Variants in VWC2 observed in about 807,000 individuals in gnomAD.
VWC2 encodes the protein von Willebrand factor C domain containing 2.
A neutral mutation model predicts 29.8 loss-of-function variants in VWC2; 14 were observed. The ratio of observed to expected loss-of-function variants is 0.47; its 90% confidence interval spans 0.31 to 0.74. The LOEUF (loss-of-function observed/expected upper bound fraction) is 0.74, where lower values mean the gene tolerates loss of function less well. Among genes scored for constraint, VWC2 ranks in the 30% least tolerant of loss-of-function variants. The pLI, the probability that VWC2 is intolerant of heterozygous loss-of-function variation, is 0.05. For missense variants in VWC2, 457 were observed against 459.8 expected (o/e 0.99, Z 0.05); for synonymous variants, 213 against 199.0 (o/e 1.07, Z -0.59).
At chr7:49,892,187 G>C (rs1430214325) in intron 3 of VWC2, among the ~76,000 whole-genome samples, 2 of 151,306 alleles carry the variant, frequency 1.3e-5, no homozygotes, top group Non-Finnish European at 2.9e-5. Flanking sequence ...TGGGACTACA[G>C]GCGCCCACCA....
intron 3 of VWC2, among the ~76,000 whole-genome samples, chr7:49,849,095 G>A (rs923863951): frequency 4.6e-5 from 7 of 152,136 alleles, no homozygotes; most frequent in Admixed American, 4.6e-4. Flanking sequence ...TTGTCCTACT[G>A]TACTGTATTT....
At chr7:49,883,170 G>C (rs1583749217) in intron 3 of VWC2, among the ~76,000 whole-genome samples, 1 of 152,070 alleles carries the variant, frequency 6.6e-6, no homozygotes, top group East Asian at 1.9e-4. Flanking sequence ...CCTTTATGCA[G>C]GTTTGAGCTT....
intron 3 of VWC2, among the ~76,000 whole-genome samples, chr7:49,806,408 G>A (rs967567396): frequency 6.6e-6 from 1 of 152,166 alleles, no homozygotes; most frequent in African/African-American, 2.4e-5. Context: ...GGGAGGATAC[G>A]ACATATGCCA....
rs1461494820 is a variant in VWC2, at chr7:49,902,146, A to G, written c.827-9888A>G. Among the ~76,000 whole-genome samples the G allele has an allele frequency of 5.9e-5, 9 of 152,146 alleles. No individual in the cohort carries two copies. In the East Asian group the frequency reaches 1.5e-3, roughly 26 times the overall value. ...GGTTTGGTGATGAATTTTTAGATAC[A>G]ACATCAGTAACATGAATAATAAAGA... is the stretch of plus-strand genomic sequence containing the variant. On this transcript the variant is annotated intron_variant, in intron 3 of 3. Coordinates refer to ENST00000340652, the MANE Select transcript of VWC2 (RefSeq NM_198570.5).
At chr7:49,796,654 T>C (rs1269476125) in intron 2 of VWC2, among the ~76,000 whole-genome samples, 1 of 152,178 alleles carries the variant, frequency 6.6e-6, no homozygotes, top group Non-Finnish European at 1.5e-5. Flanking sequence ...CTACCTTCTA[T>C]AGTGGAAAGA....
intron 2 of VWC2, 53 bp from the exon 3 acceptor site, chr7:49,802,658 G>C: frequency 1.2e-6 from 2 of 1,610,642 alleles, no homozygotes; most frequent in Non-Finnish European, 1.7e-6. Flanking sequence ...ATATGACCCT[G>C]TAGGATAAAC....
intron 3 of VWC2, among the ~76,000 whole-genome samples, chr7:49,877,668 C>T (rs1791497656): frequency 6.7e-6 from 1 of 148,894 alleles, no homozygotes. Context: ...TTGTGGTACC[C>T]CGAGAGTCAT....
At chr7:49,861,841 T>C (rs1790662645) in intron 3 of VWC2, among the ~76,000 whole-genome samples, 1 of 152,226 alleles carries the variant, frequency 6.6e-6, no homozygotes, top group Admixed American at 6.5e-5. Flanking sequence ...TGAATTTTAT[T>C]CTATTGTTTA....
chr7:49,856,381 C>T (rs1254686039), intron 3 of VWC2, among the ~76,000 whole-genome samples: 1 of 152,162 alleles, frequency 6.6e-6, no homozygotes, highest in African/African-American at 2.4e-5. Flanking sequence ...TACTGGCTCC[C>T]TCTTCTCCTT....
intron 3 of VWC2, among the ~76,000 whole-genome samples, chr7:49,874,410 C>A (rs1024146049): frequency 6.6e-6 from 1 of 152,006 alleles, no homozygotes; most frequent in African/African-American, 2.4e-5. Flanking sequence ...TAGGCTATAT[C>A]GTACAGCCTA....
chr7:49,911,003 T>A (rs980933289), intron 3 of VWC2, among the ~76,000 whole-genome samples: 2 of 152,216 alleles, frequency 1.3e-5, no homozygotes, highest in Non-Finnish European at 2.9e-5. Flanking sequence ...ATACTGAATT[T>A]ATGTCACTTC....
intron 3 of VWC2, among the ~76,000 whole-genome samples, chr7:49,816,903 T>G (rs1034264310): frequency 8.5e-5 from 13 of 152,232 alleles, no homozygotes. Context: ...CCTGTGGGCT[T>G]AATATGAGGA....
At chr7:49,819,231 C>A (rs1583649033) in intron 3 of VWC2, among the ~76,000 whole-genome samples, 1 of 152,200 alleles carries the variant, frequency 6.6e-6, no homozygotes, top group African/African-American at 2.4e-5. Flanking sequence ...TGCCTTAAAC[C>A]CCTTCTCGAA....
At chr7:49,903,519 C>T (rs188470936) in intron 3 of VWC2, among the ~76,000 whole-genome samples, 132 of 152,212 alleles carry the variant, frequency 8.7e-4, no homozygotes, top group Middle Eastern at 3.4e-3. Context: ...ATTCCACTTA[C>T]GTAGTATTCT....
intron 3 of VWC2, among the ~76,000 whole-genome samples, chr7:49,877,513 T>G (rs1436522334): frequency 9.9e-6 from 1 of 100,986 alleles, no homozygotes; most frequent in African/African-American, 3.6e-5. Context: ...TATATATATA[T>G]ATATAGTTAT....
chr7:49,847,917 A>T (rs905847065), intron 3 of VWC2, among the ~76,000 whole-genome samples: 1 of 152,166 alleles, frequency 6.6e-6, no homozygotes, highest in Non-Finnish European at 1.5e-5. Flanking sequence ...GTGGTTTACT[A>T]TCTCCTGGAA....
At chr7:49,894,294 TTATAGA>T (rs1792271306) in intron 3 of VWC2, among the ~76,000 whole-genome samples, 1 of 152,178 alleles carries the variant, frequency 6.6e-6, no homozygotes, top group Non-Finnish European at 1.5e-5. Context: ...ATAGCTGGGA[TTATAGA>T]TAGCACCGCC....
intron 2 of VWC2, 110 bp downstream of exon 2, chr7:49,776,241 G>A: frequency 2.0e-6 from 2 of 976,402 alleles, no homozygotes; most frequent in Admixed American, 2.8e-5. Flanking sequence ...GGTTCTGAGA[G>A]GTGGAGAGCA....
At chr7:49,843,306 G>A (rs1164203317) in intron 3 of VWC2, among the ~76,000 whole-genome samples, 1 of 152,142 alleles carries the variant, frequency 6.6e-6, no homozygotes, top group East Asian at 1.9e-4. Context: ...CTTTCCTGAT[G>A]GCTCCAGGAA....
Sources: gnomAD v4.1 joint callset for allele counts (sites outside exome capture counted in the v4.1 genomes callset) on GRCh38, gnomAD v4.1.1 for gene constraint, MANE v1.5 for transcripts, NCBI Gene and HGNC (gene_info 2026-07-23, HGNC 2026-07-21) for gene names.